Variants in GPATCH8 observed in about 807,000 individuals in gnomAD.
The protein encoded by GPATCH8 is G patch domain-containing protein 8.
GPATCH8 carries 18 observed loss-of-function variants against 118.3 expected under a neutral mutation model. The observed-to-expected ratio is 0.15, with a 90% CI of 0.11 to 0.23. The LOEUF (loss-of-function observed/expected upper bound fraction) is 0.23, where lower values mean the gene tolerates loss of function less well. GPATCH8 is among the 10% of genes least tolerant of loss of function. The pLI, the probability that GPATCH8 is intolerant of heterozygous loss-of-function variation, is 1.00. For missense variants in GPATCH8, 1,631 were observed against 1,873.8 expected (o/e 0.87, Z 2.39); for synonymous variants, 659 against 684.7 (o/e 0.96, Z 0.59).
Position 44,400,102 on chromosome 17 carries a change from CTG to C in GPATCH8, c.1973_1974del (p.Thr658ArgfsTer32), listed in dbSNP as rs771530735. 6.2e-7 allele frequency: 1 copy of C among 1,613,986 alleles called. No homozygotes were observed. The highest frequency in any genetic ancestry group is 8.5e-7 in the Non-Finnish European group (1 of 1,180,030). ...TCTTTCTTGCTGGGAAGGCTTCTCC[CTG>C]TGTCTTCTGTCTCAGACCCATGGCT... ...GGSHGSETED[T>X]GRSLPSKKER... is the part of the protein sequence containing the mutation. On this transcript the variant is annotated frameshift_variant, in exon 8 of 8. Coordinates refer to ENST00000591680, the MANE Select transcript of GPATCH8 (RefSeq NM_001002909.4). LOFTEE classifies it high-confidence loss of function.
intron 3 of GPATCH8, among the ~76,000 whole-genome samples, chr17:44,451,052 C>A (rs183467869): frequency 1.3e-5 from 2 of 152,220 alleles, no homozygotes; most frequent in Admixed American, 6.5e-5. Flanking sequence ...TAGAAATAAA[C>A]CTCTGGAGGG....
At chr17:44,412,065 AGCATGCGCCACCAC>A (rs1443748857) in intron 6 of GPATCH8, among the ~76,000 whole-genome samples, 2 of 151,670 alleles carry the variant, frequency 1.3e-5, no homozygotes, top group African/African-American at 4.8e-5. Flanking sequence ...TGGGATTACA[AGCATGCGCCACCAC>A]GCCTGGCTAA....
intron 5 of GPATCH8, among the ~76,000 whole-genome samples, chr17:44,431,088 G>C (rs2050294101): frequency 6.6e-6 from 1 of 151,564 alleles, no homozygotes; most frequent in African/African-American, 2.4e-5. Context: ...AATTGTGAGG[G>C]GGCCAGGCAC....
At chr17:44,473,685 AGAG>A (rs1229468766) in intron 2 of GPATCH8, 1 of 152,248 alleles carries the variant, frequency 6.6e-6, no homozygotes, top group Non-Finnish European at 1.5e-5. Flanking sequence ...AAGAAACCCT[AGAG>A]AAGAAATTAA....
intron 6 of GPATCH8, among the ~76,000 whole-genome samples, chr17:44,415,888 A>G (rs566089455): frequency 7.9e-5 from 12 of 152,362 alleles, no homozygotes; most frequent in African/African-American, 2.9e-4. Flanking sequence ...TTAGAAATAC[A>G]TAACAAGAGA....
intron 6 of GPATCH8, among the ~76,000 whole-genome samples, 171 bp from the exon 7 acceptor site, chr17:44,406,222 T>C (rs2049215005): frequency 6.6e-6 from 1 of 152,198 alleles, no homozygotes; most frequent in Admixed American, 6.5e-5. Flanking sequence ...TTACTTTGGG[T>C]ATAGCACTTG....
In GPATCH8 at chr17:44,398,542, C is replaced by T. The variant is rs756343367; in HGVS notation, c.3535G>A (p.Glu1179Lys). 1 of 1,590,164 alleles carries T rather than the reference C, an allele frequency of 6.3e-7. No homozygotes were observed. The highest frequency in any genetic ancestry group is 8.5e-7 in the Non-Finnish European group (1 of 1,170,232). ...GEEQEQSETE[E>K]GPPGSSDALF... ...GCATCACTACTCCCTGGGGGCCCCT[C>T]TTCTGTCTCTGACTGTTCTTGCTCT... Residue 1179 changes from glutamate to lysine, a missense_variant, in exon 8 of 8, where the codon GAG becomes AAG. Around this residue, in one of 8 missense-constraint regions of GPATCH8, gnomAD observed 922 missense variants for 879.7 expected, o/e 1.05. Coordinates refer to ENST00000591680, the MANE Select transcript of GPATCH8 (RefSeq NM_001002909.4).
At chr17:44,449,050 T>C (rs942705580) in intron 3 of GPATCH8, among the ~76,000 whole-genome samples, 2 of 151,184 alleles carry the variant, frequency 1.3e-5, no homozygotes, top group Non-Finnish European at 3.0e-5. Flanking sequence ...TTGAGGCGGG[T>C]GGATGACCTT....
chr17:44,472,215 T>C (rs1250452697), intron 2 of GPATCH8, among the ~76,000 whole-genome samples: 3 of 152,192 alleles, frequency 2.0e-5, no homozygotes, highest in South Asian at 4.1e-4. Context: ...CTGAGTACTA[T>C]ATACTATTTG....
chr17:44,495,627 TTTAA>T (rs1204701209), intron 1 of GPATCH8, among the ~76,000 whole-genome samples: 7 of 152,228 alleles, frequency 4.6e-5, no homozygotes, highest in African/African-American at 9.6e-5. Flanking sequence ...CACTGTTTTA[TTTAA>T]TTAAGTTTTC....
chr17:44,440,979 T>C (rs1247080838), intron 3 of GPATCH8, among the ~76,000 whole-genome samples: 11 of 152,116 alleles, frequency 7.2e-5, no homozygotes, highest in Admixed American at 6.5e-4. Context: ...GCCTCCTGAG[T>C]AGCCGGGACT....
chr17:44,463,154 A>C (rs1017053420), intron 3 of GPATCH8, among the ~76,000 whole-genome samples: 3 of 152,068 alleles, frequency 2.0e-5, no homozygotes, highest in Non-Finnish European at 4.4e-5. Context: ...ACGTGGCCTC[A>C]AACAGTCCTC....
At chr17:44,456,242 A>G (rs879295104) in intron 3 of GPATCH8, among the ~76,000 whole-genome samples, 2 of 152,120 alleles carry the variant, frequency 1.3e-5, no homozygotes, top group Non-Finnish European at 1.5e-5. Flanking sequence ...TCAGCCTCCC[A>G]AGTAGCTAGG....
chr17:44,483,190 T>A (rs1168900520), intron 1 of GPATCH8, among the ~76,000 whole-genome samples: 626 of 42,570 alleles, frequency 0.015, 48 homozygotes, highest in Non-Finnish European at 0.016. Context: ...TATATATATA[T>A]ATATATATAT....
chr17:44,406,981 A>C (rs2049256824), intron 6 of GPATCH8, among the ~76,000 whole-genome samples: 1 of 152,240 alleles, frequency 6.6e-6, no homozygotes, highest in Non-Finnish European at 1.5e-5. Context: ...AGAAACAAAC[A>C]AAACGAAACA....
chr17:44,397,620 T>G lies in GPATCH8; in HGVS notation c.4457A>C (p.His1486Pro), dbSNP rs1598393952. 1.9e-6 allele frequency: 3 copies of G among 1,612,186 alleles called. No individual in the cohort carries two copies. The highest frequency in any genetic ancestry group is 2.5e-6 in the Non-Finnish European group (3 of 1,179,432). The part of the protein sequence containing the change: ...ATALHLHPLL[H>P]PIFSGQDLQH... The stretch of plus-strand genomic sequence containing the variant: ...CAGGTCCTGACCTGAGAAGATGGGG[T>G]GAAGTAGTGGGTGAAGGTGAAGTGC... The change falls in exon 8 of 8, where the codon CAC (histidine) becomes CCC (proline). Residue 1486 changes from histidine to proline, a missense_variant. His to Pro is a moderately conservative substitution (Grantham distance 77). Coordinates refer to ENST00000591680, the MANE Select transcript of GPATCH8 (RefSeq NM_001002909.4).
At chr17:44,439,066 GA>G (rs2050605506) in intron 3 of GPATCH8, among the ~76,000 whole-genome samples, 1 of 152,208 alleles carries the variant, frequency 6.6e-6, no homozygotes, top group South Asian at 2.1e-4. Flanking sequence ...ACTTTTAAAA[GA>G]AATGACATCT....
chr17:44,500,808 A>T (rs995458485), intron 1 of GPATCH8, among the ~76,000 whole-genome samples: 81 of 152,358 alleles, frequency 5.3e-4, no homozygotes, highest in African/African-American at 1.9e-3. Flanking sequence ...GCTTCACCCA[A>T]AACCTTAAAA....
intron 5 of GPATCH8, 63 bp downstream of exon 5, chr17:44,435,002 T>C: frequency 1.2e-6 from 1 of 803,500 alleles, no homozygotes. Flanking sequence ...TCAACAAAAT[T>C]TGAGTTCTTT....
Sources: allele counts gnomAD v4.1 joint callset (sites outside exome capture counted in the v4.1 genomes callset), GRCh38; gene constraint gnomAD v4.1.1; regional missense constraint gnomAD v4.1.1; transcripts MANE v1.5; gene names NCBI Gene and HGNC (gene_info 2026-07-23, HGNC 2026-07-21).